The following CLSTN2 variants were observed in gnomAD, a reference collection of about 807,000 sequenced individuals.
The protein encoded by CLSTN2 is calsyntenin 2.
Under a neutral mutation model 101.2 loss-of-function variants are expected in CLSTN2, and 48 were observed. That is an observed-to-expected ratio of 0.47 (90% CI 0.38 to 0.60). The LOEUF (loss-of-function observed/expected upper bound fraction) is 0.60, where lower values mean the gene tolerates loss of function less well. Among genes scored for constraint, CLSTN2 ranks in the 20% least tolerant of loss-of-function variants. The probability of loss-of-function intolerance (pLI) is 0.00; values close to 1 mark genes in which losing one functional copy is unlikely to be tolerated. For missense variants in CLSTN2, 1,160 were observed against 1,238.2 expected (o/e 0.94, Z 0.95); for synonymous variants, 481 against 463.6 (o/e 1.04, Z -0.48).
intron 2 of CLSTN2, among the ~76,000 whole-genome samples, chr3:140,345,500 T>G (rs1415079577): frequency 2.6e-5 from 4 of 151,946 alleles, no homozygotes; most frequent in African/African-American, 9.7e-5. Flanking sequence ...TCCGCCTGCC[T>G]CAGCCTCCCA....
In CLSTN2 at chr3:140,571,317, G is replaced by T. The variant is rs753140475; in HGVS notation, c.*5064G>T. ...ACACTTCGAAATTAGCAATCTTCTTGGCTCTATGGCTCAATATCAGCAAGA... is the reference window on the plus strand; with the variant it reads ...ACACTTCGAAATTAGCAATCTTCTTTGCTCTATGGCTCAATATCAGCAAGA... On this transcript the variant is annotated 3_prime_UTR_variant, in exon 17 of 17. Transcript: ENST00000458420. 2 of 152,086 alleles carry T rather than the reference G, an allele frequency of 1.3e-5. No homozygotes were observed. Among genetic ancestry groups the T allele is most frequent in the Non-Finnish European group, 2.9e-5 (2 of 68,032 alleles). 9.4% of individuals were successfully genotyped at this position (152,086 alleles called of 1,614,324 possible). A position where few individuals can be genotyped will look rare whatever the true frequency, so the allele number is the denominator to read the frequency against.
chr3:140,179,009 G>A (rs1002411673), intron 2 of CLSTN2, among the ~76,000 whole-genome samples: 6 of 151,952 alleles, frequency 3.9e-5, no homozygotes, highest in African/African-American at 1.4e-4. Flanking sequence ...TAAGAAAAAT[G>A]TTTTACACAT....
chr3:140,231,138 T>C (rs2086368100), intron 2 of CLSTN2, among the ~76,000 whole-genome samples: 1 of 152,168 alleles, frequency 6.6e-6, no homozygotes, highest in African/African-American at 2.4e-5. Flanking sequence ...AAAAGTATTA[T>C]CCAGAGGTAG....
intron 2 of CLSTN2, among the ~76,000 whole-genome samples, chr3:140,203,590 C>G (rs996235244): frequency 3.3e-5 from 5 of 150,886 alleles, no homozygotes; most frequent in Admixed American, 1.3e-4. Flanking sequence ...GCGCATGGCC[C>G]GTGCCTCTGC....
chr3:140,481,080 G>A (rs1256854836), intron 8 of CLSTN2, among the ~76,000 whole-genome samples: 3 of 152,190 alleles, frequency 2.0e-5, no homozygotes, highest in Non-Finnish European at 2.9e-5. Context: ...ATGGTTTTAG[G>A]TCTAACATTT....
Position 139,955,112 on chromosome 3 carries a change from C to CTATATATACATATATATATA in CLSTN2, c.109+19637_109+19638insCATATATATATATATATATA, listed in dbSNP as rs1440167224. 2.5e-4 allele frequency among the ~76,000 whole-genome samples: 18 copies of CTATATATACATATATATATA among 71,546 alleles called. 1 individual carries two copies. The highest frequency in any genetic ancestry group is 9.5e-4 in the African/African-American group (17 of 17,862). 46.9% of individuals were successfully genotyped at this position (71,546 alleles called of 152,430 possible). The stretch of plus-strand genomic sequence containing the variant: ...CATACATGTATATATGGCAATATTG[C>CTATATATACATATATATATA]TATATATATATATATATATATATAT... On this transcript the variant is annotated intron_variant, in intron 1 of 16. Coordinates refer to ENST00000458420, the MANE Select transcript of CLSTN2 (RefSeq NM_022131.3).
chr3:140,349,856 A>G (rs976596725), intron 2 of CLSTN2, among the ~76,000 whole-genome samples: 1 of 152,156 alleles, frequency 6.6e-6, no homozygotes, highest in African/African-American at 2.4e-5. Context: ...CTGTTTCACC[A>G]TCACTCTGTC....
chr3:140,426,725 T>G (rs182610170), intron 5 of CLSTN2, among the ~76,000 whole-genome samples: 6 of 152,160 alleles, frequency 3.9e-5, no homozygotes, highest in Non-Finnish European at 8.8e-5. Flanking sequence ...CCTGATGTTA[T>G]ATGGGGCCCA....
chr3:140,150,353 C>A (rs1419546980), intron 1 of CLSTN2, among the ~76,000 whole-genome samples: 1 of 152,174 alleles, frequency 6.6e-6, no homozygotes. Context: ...CTCAGTTTCT[C>A]ATTTTTAAAA....
At chr3:139,996,412 C>T (rs528113059) in intron 1 of CLSTN2, among the ~76,000 whole-genome samples, 2 of 152,014 alleles carry the variant, frequency 1.3e-5, no homozygotes, top group African/African-American at 4.8e-5. Context: ...TTTTTTGAGA[C>T]GGAGTCTCGC....
chr3:140,344,113 G>C (rs1394817412), intron 2 of CLSTN2, among the ~76,000 whole-genome samples: 2 of 152,166 alleles, frequency 1.3e-5, no homozygotes, highest in Non-Finnish European at 2.9e-5. Context: ...TATAGTTTCA[G>C]TAATGCTACA....
At chr3:140,041,856 T>C (rs888849305) in intron 1 of CLSTN2, among the ~76,000 whole-genome samples, 1 of 152,308 alleles carries the variant, frequency 6.6e-6, no homozygotes, top group African/African-American at 2.4e-5. Flanking sequence ...CGATAGCTTA[T>C]ACAGACTGGG....
At chr3:140,526,268 T>C (rs1271022589) in intron 8 of CLSTN2, among the ~76,000 whole-genome samples, 1 of 152,044 alleles carries the variant, frequency 6.6e-6, no homozygotes, top group African/African-American at 2.4e-5. Flanking sequence ...TATATGCCAA[T>C]AATGTTCTAG....
In CLSTN2 at chr3:140,003,030, A is replaced by G. The variant is rs559988208; in HGVS notation, c.109+67547A>G. Among the ~76,000 whole-genome samples the G allele has an allele frequency of 2.2e-3, 338 of 152,192 alleles. 1 individual carries two copies. Among genetic ancestry groups the G allele is most frequent in the African/African-American group, 7.5e-3 (312 of 41,552 alleles). On this transcript the variant is annotated intron_variant, in intron 1 of 16. Transcript: ENST00000458420. ...CAGTTTTATTCATTTTGCTTAGGAT[A>G]GCTTTGGCTACTCTGGGTCTTTTGT...
chr3:140,011,744 C>G (rs746663668), intron 1 of CLSTN2, among the ~76,000 whole-genome samples: 1 of 152,020 alleles, frequency 6.6e-6, no homozygotes, highest in Non-Finnish European at 1.5e-5. Flanking sequence ...GCTGCTGTGA[C>G]CTTGCATGAG....
intron 10 of CLSTN2, among the ~76,000 whole-genome samples, 187 bp downstream of exon 10, chr3:140,546,868 T>C (rs959582287): frequency 1.3e-5 from 2 of 152,184 alleles, no homozygotes; most frequent in South Asian, 4.1e-4. Flanking sequence ...CACAATGGGC[T>C]TCTGCTGCCA....
chr3:140,172,335 G>A (rs2010251792), intron 1 of CLSTN2, among the ~76,000 whole-genome samples: 1 of 152,082 alleles, frequency 6.6e-6, no homozygotes, highest in Non-Finnish European at 1.5e-5. Flanking sequence ...ATAGAATGGA[G>A]TAGGGCAAGA....
chr3:140,310,476 G>A (rs187171701), intron 2 of CLSTN2, among the ~76,000 whole-genome samples: 82 of 152,160 alleles, frequency 5.4e-4, no homozygotes, highest in Middle Eastern at 3.4e-3. Flanking sequence ...CAACCCTTCC[G>A]CCCTCATTTC....
chr3:140,543,716 T>C (rs1467217158), intron 9 of CLSTN2, among the ~76,000 whole-genome samples: 1 of 152,234 alleles, frequency 6.6e-6, no homozygotes, highest in East Asian at 1.9e-4. Context: ...TTCCCAGAAC[T>C]GTGTCCAGGA....
Sources: allele counts gnomAD v4.1 joint callset (sites outside exome capture counted in the v4.1 genomes callset), GRCh38; gene constraint gnomAD v4.1.1; transcripts MANE v1.5; gene names NCBI Gene and HGNC (gene_info 2026-07-23, HGNC 2026-07-21).